The following CDK14 variants were observed in gnomAD, a reference collection of about 807,000 sequenced individuals.
CDK14 encodes the protein cyclin dependent kinase 14.
In CDK14, 34 loss-of-function variants were observed where a neutral mutation model predicts 60.7. The ratio of observed to expected loss-of-function variants is 0.56; its 90% confidence interval spans 0.43 to 0.75. CDK14 has a LOEUF of 0.75. Ranked by LOEUF, CDK14 falls within the 30% of genes least tolerant of loss-of-function variation. The pLI, the probability that CDK14 is intolerant of heterozygous loss-of-function variation, is 0.00. For synonymous variants in CDK14, 197 were observed against 203.7 expected (o/e 0.97, Z 0.28); for missense variants, 482 against 564.1 (o/e 0.85, Z 1.47).
At chr7:91,012,454 G>A (rs1796189126) in intron 10 of CDK14, among the ~76,000 whole-genome samples, 1 of 152,108 alleles carries the variant, frequency 6.6e-6, no homozygotes, top group African/African-American at 2.4e-5. Context: ...CCTCTGCTTT[G>A]CATATTATAG....
At chr7:91,058,361 A>G (rs1167817107) in intron 11 of CDK14, among the ~76,000 whole-genome samples, 2 of 152,142 alleles carry the variant, frequency 1.3e-5, no homozygotes, top group African/African-American at 4.8e-5. Context: ...AACAGGGACA[A>G]TTTGGCTTCC....
chr7:90,959,086 C>G (rs776139914), intron 9 of CDK14, among the ~76,000 whole-genome samples: 2 of 152,030 alleles, frequency 1.3e-5, no homozygotes, highest in Non-Finnish European at 2.9e-5. Flanking sequence ...AGGAAGATAG[C>G]TTGGACACTT....
intron 6 of CDK14, among the ~76,000 whole-genome samples, chr7:90,895,295 C>A (rs959597055): frequency 7.3e-6 from 1 of 137,230 alleles, no homozygotes; most frequent in Admixed American, 7.6e-5. Context: ...TTAGTTGTCA[C>A]TTTTCCCATT....
chr7:90,743,579 G>A (rs966854038), intron 3 of CDK14, among the ~76,000 whole-genome samples: 2 of 152,016 alleles, frequency 1.3e-5, no homozygotes, highest in East Asian at 1.9e-4. Context: ...TTGCTCTGTC[G>A]ATTAGTAGTG....
chr7:90,619,854 G>A (rs2116366944), intron 2 of CDK14, among the ~76,000 whole-genome samples: 1 of 152,300 alleles, frequency 6.6e-6, no homozygotes, highest in Non-Finnish European at 1.5e-5. Context: ...AAAGTTAGCT[G>A]GTGTGGTGGC....
At chr7:91,178,719 A>G (rs1011695574) in intron 14 of CDK14, among the ~76,000 whole-genome samples, 1 of 151,720 alleles carries the variant, frequency 6.6e-6, no homozygotes, top group Non-Finnish European at 1.5e-5. Context: ...GCTCATCATC[A>G]CTGGCCATCA....
intron 4 of CDK14, among the ~76,000 whole-genome samples, chr7:90,786,048 G>A (rs1204950327): frequency 3.3e-5 from 5 of 152,138 alleles, no homozygotes; most frequent in Admixed American, 6.5e-5. Context: ...TTCCTGGTAC[G>A]GCACTTTGGA....
At chr7:90,831,504 G>A (rs572938701) in intron 5 of CDK14, among the ~76,000 whole-genome samples, 3 of 152,284 alleles carry the variant, frequency 2.0e-5, no homozygotes, top group African/African-American at 7.2e-5. Context: ...GAGCCAAACT[G>A]TATTAAGTAC....
intron 2 of CDK14, among the ~76,000 whole-genome samples, chr7:90,639,227 T>C (rs1223638572): frequency 6.6e-6 from 1 of 152,136 alleles, no homozygotes. Context: ...TTTCCAGTTT[T>C]TCTGCTCTGT....
chr7:90,859,139 G>A (rs1429005644), intron 5 of CDK14, among the ~76,000 whole-genome samples: 1 of 152,186 alleles, frequency 6.6e-6, no homozygotes, highest in Non-Finnish European at 1.5e-5. Flanking sequence ...TACTTTTCTT[G>A]CCTGGGAATA....
intron 11 of CDK14, among the ~76,000 whole-genome samples, chr7:91,073,276 A>C (rs1006144406): frequency 6.6e-6 from 1 of 152,244 alleles, no homozygotes; most frequent in Non-Finnish European, 1.5e-5. Context: ...GGTGACCTAC[A>C]AAGGGAAGCC....
chr7:90,789,842 T>C (rs1486579692), intron 4 of CDK14, among the ~76,000 whole-genome samples: 1 of 152,148 alleles, frequency 6.6e-6, no homozygotes, highest in Non-Finnish European at 1.5e-5. Context: ...TAGATAGTTA[T>C]GTCTTTGATT....
intron 3 of CDK14, among the ~76,000 whole-genome samples, chr7:90,738,247 A>G (rs1803200568): frequency 6.6e-6 from 1 of 152,194 alleles, no homozygotes; most frequent in South Asian, 2.1e-4. Context: ...CAGTCTATAA[A>G]TTATTCATGT....
At chr7:91,090,399 C>A (rs1234982992) in intron 12 of CDK14, among the ~76,000 whole-genome samples, 2 of 152,154 alleles carry the variant, frequency 1.3e-5, no homozygotes, top group Non-Finnish European at 2.9e-5. Context: ...GTATGGTAAC[C>A]ACTAGCCACG....
chr7:91,130,351 CAT>C (rs1800079016), intron 14 of CDK14, among the ~76,000 whole-genome samples: 1 of 152,068 alleles, frequency 6.6e-6, no homozygotes, highest in Non-Finnish European at 1.5e-5. Context: ...TGAGTTCTCA[CAT>C]AAATATTTTT....
At chr7:90,997,863 AC>A (rs1562861864) in intron 10 of CDK14, among the ~76,000 whole-genome samples, 1 of 152,208 alleles carries the variant, frequency 6.6e-6, no homozygotes, top group Admixed American at 6.5e-5. Context: ...AGTAAGCCTG[AC>A]AGTGGGCTTC....
chr7:91,141,073 T>C (rs1462282724), intron 14 of CDK14, among the ~76,000 whole-genome samples: 2 of 152,158 alleles, frequency 1.3e-5, no homozygotes, highest in African/African-American at 4.8e-5. Context: ...ATGCAAGAGA[T>C]TTTTGTACAT....
intron 14 of CDK14, among the ~76,000 whole-genome samples, chr7:91,180,449 C>G (rs1376483421): frequency 6.6e-6 from 1 of 151,864 alleles, no homozygotes; most frequent in East Asian, 1.9e-4. Flanking sequence ...TAGTACAGCC[C>G]CATCTCTGTA....
In CDK14 at chr7:91,164,537, T is replaced by A. The variant is rs1801282329; in HGVS notation, c.*29-42628T>A. On this transcript the variant is annotated intron_variant, in intron 14 of 14. Coordinates refer to ENST00000380050, the MANE Select transcript of CDK14 (RefSeq NM_001287135.2). The stretch of plus-strand genomic sequence containing the variant: ...GTGTGTAGTTAGGAAGTAAGGAGGA[T>A]GAAAGATGGCTCCTCCAGGTCTCAT... 2.0e-5 allele frequency among the ~76,000 whole-genome samples: 3 copies of A among 152,288 alleles called. 1 individual carries two copies. In the South Asian group the frequency reaches 6.2e-4, roughly 32 times the overall value.
Sources: gnomAD v4.1 joint callset for allele counts (sites outside exome capture counted in the v4.1 genomes callset) on GRCh38, gnomAD v4.1.1 for gene constraint, MANE v1.5 for transcripts, NCBI Gene and HGNC (gene_info 2026-07-23, HGNC 2026-07-21) for gene names.